Variants in RNF13 observed in about 807,000 individuals in gnomAD.
RNF13 encodes the protein E3 ubiquitin-protein ligase RNF13.
Under a neutral mutation model 37.7 loss-of-function variants are expected in RNF13, and 19 were observed. The ratio of observed to expected loss-of-function variants is 0.50; its 90% CI spans 0.35 to 0.74. The LOEUF (loss-of-function observed/expected upper bound fraction) is 0.74, where lower values mean the gene tolerates loss of function less well. Ranked by LOEUF, RNF13 falls within the 30% of genes least tolerant of loss-of-function variation. The probability of loss-of-function intolerance (pLI) is 0.01; values close to 1 mark genes in which losing one functional copy is unlikely to be tolerated. For synonymous variants in RNF13, 144 were observed against 157.8 expected, an observed-to-expected ratio of 0.91 and a Z score of 0.65; for missense variants, 375 against 453.0, an observed-to-expected ratio of 0.83 and a Z score of 1.56.
At position 149,961,077 on chromosome 3, in the gene RNF13, G is replaced by A; in HGVS notation, c.1119G>A (p.Arg373=). ...TCCAGTTGCAGCCTAATGGTGAACG[G>A]GATTACAACATAGCAAATACTGTTT... ...VVVQLQPNGE[R]DYNIANTV Residue 373 remains arginine, a synonymous_variant, in exon 10 of 10, where the codon CGG becomes CGA. Transcript: ENST00000392894. The A allele has an allele frequency of 6.2e-7, 1 of 1,611,488 alleles. No individual in the cohort carries two copies. The highest frequency in any genetic ancestry group is 8.5e-7 in the Non-Finnish European group (1 of 1,178,592).
At chr3:149,923,173 A>C (rs1270284438) in intron 8 of RNF13, among the ~76,000 whole-genome samples, 1 of 152,244 alleles carries the variant, frequency 6.6e-6, no homozygotes, top group Non-Finnish European at 1.5e-5. Context: ...ACATTTCTAA[A>C]AATGCACTGC....
intron 3 of RNF13, among the ~76,000 whole-genome samples, chr3:149,860,814 G>T (rs1724182433): frequency 6.6e-6 from 1 of 152,124 alleles, no homozygotes; most frequent in Non-Finnish European, 1.5e-5. Flanking sequence ...AGTCAACAGA[G>T]TGAAGAGACA....
intron 7 of RNF13, among the ~76,000 whole-genome samples, chr3:149,916,086 G>GTT (rs59381512): frequency 1.4e-5 from 2 of 144,944 alleles, no homozygotes; most frequent in African/African-American, 2.5e-5. Flanking sequence ...TTCTAAAATA[G>GTT]TTTTTTTTTT....
In RNF13 at chr3:149,846,358, A is replaced by G. The variant is rs371160470; in HGVS notation, c.114+218A>G. Among the ~76,000 whole-genome samples the G allele has an allele frequency of 1.3e-4, 20 of 152,182 alleles. No homozygotes were observed. In the East Asian group the frequency reaches 1.7e-3, roughly 13 times the overall value. On this transcript the variant is annotated intron_variant, in intron 2 of 9. Coordinates refer to ENST00000392894, the MANE Select transcript of RNF13 (RefSeq NM_183381.3). Reference sequence around the variant, plus strand: ...ATTCTCGTTGCCCAGGCTGGAGTACATTGTTGCGGTCCTGGCTCACTGAAA... The same window carrying G: ...ATTCTCGTTGCCCAGGCTGGAGTACGTTGTTGCGGTCCTGGCTCACTGAAA...
At chr3:149,944,078 T>TG (rs946728582) in intron 8 of RNF13, among the ~76,000 whole-genome samples, 1 of 152,158 alleles carries the variant, frequency 6.6e-6, no homozygotes, top group African/African-American at 2.4e-5. Context: ...TTTTTGTCCT[T>TG]GCGATAGTTT....
At chr3:149,920,790 C>CTTT (rs34551883) in intron 7 of RNF13, among the ~76,000 whole-genome samples, 1,362 of 124,002 alleles carry the variant, frequency 0.011, 32 homozygotes, top group African/African-American at 0.037. Context: ...CCTTCCCATT[C>CTTT]TTTTTTTTTT....
chr3:149,860,999 A>G (rs1303635847), intron 3 of RNF13, among the ~76,000 whole-genome samples: 1 of 152,200 alleles, frequency 6.6e-6, no homozygotes, highest in African/African-American at 2.4e-5. Flanking sequence ...CAACGGGCAT[A>G]TGAAAAAAAT....
intron 7 of RNF13, among the ~76,000 whole-genome samples, chr3:149,916,022 A>C (rs1247629428): frequency 1.3e-5 from 2 of 152,188 alleles, no homozygotes; most frequent in Non-Finnish European, 2.9e-5. Context: ...TGTAATTTTA[A>C]AATTAACTAG....
chr3:149,848,687 T>C (rs485532), intron 2 of RNF13, among the ~76,000 whole-genome samples: 1 of 152,196 alleles, frequency 6.6e-6, no homozygotes, highest in Non-Finnish European at 1.5e-5. Flanking sequence ...TAATGCCAGA[T>C]GCCTTTGATT....
At chr3:149,882,005 T>C (rs1487897319) in intron 4 of RNF13, among the ~76,000 whole-genome samples, 1 of 152,116 alleles carries the variant, frequency 6.6e-6, no homozygotes, top group Non-Finnish European at 1.5e-5. Context: ...CGGGTTTAGT[T>C]CTTTTTTTTT....
chr3:149,854,533 AC>A (rs1322714297), intron 3 of RNF13, among the ~76,000 whole-genome samples: 2 of 152,190 alleles, frequency 1.3e-5, no homozygotes, highest in Non-Finnish European at 2.9e-5. Context: ...AGCTAGTTTT[AC>A]CCAGAAAGGG....
intron 5 of RNF13, among the ~76,000 whole-genome samples, chr3:149,896,607 G>C (rs1715298811): frequency 6.6e-6 from 1 of 151,888 alleles, no homozygotes; most frequent in Non-Finnish European, 1.5e-5. Flanking sequence ...AGCCTCCTGA[G>C]TAGCTGGGAT....
chr3:149,959,384 A>G (rs1303283265), intron 8 of RNF13, among the ~76,000 whole-genome samples: 1 of 139,410 alleles, frequency 7.2e-6, no homozygotes, highest in Admixed American at 7.7e-5. Context: ...GAACTCCAAA[A>G]AGAGCTATGA....
At chr3:149,832,195 G>A (rs764327023) in intron 1 of RNF13, among the ~76,000 whole-genome samples, 1 of 152,040 alleles carries the variant, frequency 6.6e-6, no homozygotes, top group African/African-American at 2.4e-5. Context: ...GGAATATTTT[G>A]GTCCAGTTCT....
chr3:149,954,969 G>GA (rs1721718583), intron 8 of RNF13, among the ~76,000 whole-genome samples: 1 of 152,050 alleles, frequency 6.6e-6, no homozygotes, highest in African/African-American at 2.4e-5. Flanking sequence ...CTAACAGATG[G>GA]AAAATCCTTA....
At chr3:149,894,179 A>G (rs528542141) in intron 4 of RNF13, among the ~76,000 whole-genome samples, 1 of 152,248 alleles carries the variant, frequency 6.6e-6, no homozygotes, top group Admixed American at 6.5e-5. Flanking sequence ...TAGTAATAGG[A>G]TAATATTATT....
At chr3:149,852,706 C>T (rs1723222172) in intron 3 of RNF13, 110 bp downstream of exon 3, 3 of 490,624 alleles carry the variant, frequency 6.1e-6, no homozygotes, top group Admixed American at 3.9e-5. Context: ...TATTATAAAG[C>T]CTATATATAG....
At chr3:149,817,544 T>C (rs917304955) in intron 1 of RNF13, among the ~76,000 whole-genome samples, 1 of 152,224 alleles carries the variant, frequency 6.6e-6, no homozygotes, top group African/African-American at 2.4e-5. Flanking sequence ...TTACCTTGAA[T>C]TGGTTAATAG....
At chr3:149,928,260 A>G (rs1165190733) in intron 8 of RNF13, among the ~76,000 whole-genome samples, 1 of 152,132 alleles carries the variant, frequency 6.6e-6, no homozygotes, top group Non-Finnish European at 1.5e-5. Flanking sequence ...ATCTAAGGTC[A>G]TAAAGATTTA....
Sources: allele counts gnomAD v4.1 joint callset (sites outside exome capture counted in the v4.1 genomes callset), GRCh38; gene constraint gnomAD v4.1.1; transcripts MANE v1.5; gene names NCBI Gene and HGNC (gene_info 2026-07-23, HGNC 2026-07-21).